The following TRANK1 variants were observed in gnomAD, a reference collection of about 807,000 sequenced individuals.
TRANK1 encodes the protein tetratricopeptide repeat and ankyrin repeat containing 1.
TRANK1 carries 198 observed loss-of-function variants against 266.0 expected under a neutral mutation model. The observed-to-expected ratio is 0.74, with a 90% CI of 0.66 to 0.84. The LOEUF (loss-of-function observed/expected upper bound fraction) is 0.84. TRANK1 is among the 40% of genes least tolerant of loss of function. TRANK1 has a pLI of 0.00. For missense variants in TRANK1, 3,326 were observed against 3,634.6 expected (o/e 0.92, Z 2.18); for synonymous variants, 1,396 against 1,384.1 (o/e 1.01, Z -0.19).
At position 36,835,243 on chromosome 3, in the gene TRANK1, C is replaced by T. The variant is rs76303959; in HGVS notation, c.5518-336G>A. Among the ~76,000 whole-genome samples the T allele has an allele frequency of 3.2e-3, 443 of 138,772 alleles. 2 individuals carry two copies. The highest frequency in any genetic ancestry group is 0.01 in the African/African-American group (382 of 36,732). The allele number at this position is 138,772 out of a possible 152,430, so 91.0% of individuals were successfully genotyped here. On this transcript the variant is annotated intron_variant, in intron 20 of 23. Coordinates refer to ENST00000645898, the MANE Select transcript of TRANK1 (RefSeq NM_001329998.2). ...CTGAGGCAGGAGAATGGCGTGAACC[C>T]GGGAGGCGGAGCTTGCAGTGAGCCG...
intron 2 of TRANK1, among the ~76,000 whole-genome samples, chr3:36,905,682 A>G (rs1188219727): frequency 1.3e-5 from 2 of 152,202 alleles, no homozygotes; most frequent in Non-Finnish European, 2.9e-5. Flanking sequence ...ACTGACTGAT[A>G]TGAGAATCAA....
intron 1 of TRANK1, among the ~76,000 whole-genome samples, chr3:36,913,689 G>GGAAT (rs1259394134): frequency 2.6e-5 from 4 of 152,102 alleles, no homozygotes; most frequent in African/African-American, 9.7e-5. Context: ...AAGAAGAACA[G>GGAAT]GAATTTTCTT....
intron 2 of TRANK1, among the ~76,000 whole-genome samples, chr3:36,903,477 C>G (rs2125624767): frequency 6.6e-6 from 1 of 152,358 alleles, no homozygotes; most frequent in East Asian, 1.9e-4. Flanking sequence ...TCCTCACTCC[C>G]AAATACTCTG....
intron 8 of TRANK1, among the ~76,000 whole-genome samples, chr3:36,888,549 T>C (rs1447324076): frequency 6.6e-6 from 1 of 152,144 alleles, no homozygotes; most frequent in African/African-American, 2.4e-5. Context: ...TAGATATAGG[T>C]TCCTAGGTCC....
intron 1 of TRANK1, among the ~76,000 whole-genome samples, chr3:36,940,203 G>A (rs1391989436): frequency 2.0e-5 from 3 of 151,390 alleles, no homozygotes; most frequent in Non-Finnish European, 2.9e-5. Flanking sequence ...TTCTTAGTAA[G>A]AAGCTGCTCC....
At position 36,855,817 on chromosome 3, in the gene TRANK1, C is replaced by A. The variant is rs757057149; in HGVS notation, c.3905G>T (p.Ser1302Ile). ...EEEAEVDGDYSEEDKAVEMRT... is the reference protein window; with the variant it reads ...EEEAEVDGDYIEEDKAVEMRT... ...CATTTCTACAGCTTTATCCTCCTCA[C>A]TGTAGTCCCCATCCACCTCAGCCTC... Residue 1302 changes from serine to isoleucine, a missense_variant, in exon 13 of 24, where the codon AGT (serine) becomes ATT (isoleucine). Transcript: ENST00000645898. 9.3e-6 allele frequency: 15 copies of A among 1,613,788 alleles called. No individual in the cohort carries two copies. In the Admixed American group the frequency reaches 2.5e-4, roughly 27 times the overall value.
chr3:36,944,737 C>A, intron 1 of TRANK1, 50 bp downstream of exon 1: 2 of 1,498,206 alleles, frequency 1.3e-6, no homozygotes, highest in African/African-American at 1.5e-5. Context: ...GGAAGGGTGG[C>A]GGGCCCGGAA....
rs1159139162 is a variant in TRANK1, at chr3:36,879,795, TAAATATAC to T, written c.908-5507_908-5500del. Among the ~76,000 whole-genome samples the T allele has an allele frequency of 4.4e-4, 20 of 45,740 alleles. 2 individuals are homozygous for T. Among genetic ancestry groups the T allele is most frequent in the South Asian group, 2.1e-3 (4 of 1,906 alleles). 30.0% of individuals were successfully genotyped at this position (45,740 alleles called of 152,430 possible). A position where few individuals can be genotyped will look rare whatever the true frequency, so the allele number is the denominator to read the frequency against. ...AAATATATATAAATATGTAAATATA[TAAATATAC>T]AAATATATGTAAATATACAAATATA... is the stretch of plus-strand genomic sequence containing the variant. On this transcript the variant is annotated intron_variant, in intron 8 of 23. Coordinates refer to ENST00000645898, the MANE Select transcript of TRANK1 (RefSeq NM_001329998.2).
At chr3:36,858,186 A>G in intron 12 of TRANK1, 137 bp from the exon 13 acceptor site, 1 of 710,020 alleles carries the variant, frequency 1.4e-6, no homozygotes. Context: ...AATCCATTAA[A>G]GAGCTCAGTG....
At chr3:36,944,404 A>G (rs956518017) in intron 1 of TRANK1, among the ~76,000 whole-genome samples, 14 of 152,258 alleles carry the variant, frequency 9.2e-5, no homozygotes, top group Non-Finnish European at 1.3e-4. Flanking sequence ...CCCGCCAAGA[A>G]TGCTTGCCCC....
intron 5 of TRANK1, among the ~76,000 whole-genome samples, chr3:36,893,233 G>A (rs1292291428): frequency 6.6e-6 from 1 of 151,852 alleles, no homozygotes; most frequent in African/African-American, 2.4e-5. Flanking sequence ...GCTGAGGACA[G>A]GAGCAGATGA....
chr3:36,926,354 A>T (rs745952085), intron 1 of TRANK1, among the ~76,000 whole-genome samples: 9 of 152,244 alleles, frequency 5.9e-5, no homozygotes, highest in Non-Finnish European at 5.9e-5. Context: ...GCAAACAAGC[A>T]CTTGAGGATG....
chr3:36,864,293 T>C (rs2079183174), intron 10 of TRANK1, 26 bp downstream of exon 10: 1 of 1,486,720 alleles, frequency 6.7e-7, no homozygotes, highest in Non-Finnish European at 8.9e-7. Flanking sequence ...ATTTTTAACA[T>C]CATTGAACGT....
chr3:36,903,271 G>T lies in TRANK1; in HGVS notation c.160C>A (p.Pro54Thr). The change falls in exon 3 of 24, where the codon CCC becomes ACC. Residue 54 changes from proline to threonine, a missense_variant. Transcript: ENST00000645898. ...AGCAGCACAGCCAAGTCCCTCGGGG[G>T]AACCCTGTAAGAACAAACCGGTGGT... Reference protein sequence around the residue: ...ILLQLYQWGVPPRDLAVLLCN... With the variant: ...ILLQLYQWGVTPRDLAVLLCN... The T allele has an allele frequency of 6.5e-7, 1 of 1,537,078 alleles. No homozygotes were observed. Among genetic ancestry groups the T allele is most frequent in the Non-Finnish European group, 8.7e-7 (1 of 1,146,748 alleles).
At chr3:36,944,564 T>A (rs1007577818) in intron 1 of TRANK1, among the ~76,000 whole-genome samples, 4 of 151,948 alleles carry the variant, frequency 2.6e-5, no homozygotes, top group Admixed American at 2.0e-4. Context: ...CGTGCCCTGG[T>A]CCCTCCGGAC....
At position 36,851,676 on chromosome 3, in the gene TRANK1, T is replaced by C. The variant is rs766445516; in HGVS notation, c.4887+43A>G. On this transcript the variant is annotated intron_variant, in intron 15 of 23. Coordinates refer to ENST00000645898, the MANE Select transcript of TRANK1 (RefSeq NM_001329998.2). ...CTTCCCCAGAGGGAAGTTCAGCTCA[T>C]ACATAAATATTCATTGTGTGAAAAG... 1.6e-5 allele frequency: 25 copies of C among 1,581,390 alleles called. No individual in the cohort carries two copies. The East Asian group carries it at 5.4e-4, about 34-fold the overall frequency.
chr3:36,897,499 T>C (rs1179104346), intron 4 of TRANK1, among the ~76,000 whole-genome samples: 1 of 152,202 alleles, frequency 6.6e-6, no homozygotes, highest in Non-Finnish European at 1.5e-5. Flanking sequence ...GCTACTACTC[T>C]AGTCCCCTCT....
chr3:36,942,657 A>G (rs1407572291), intron 1 of TRANK1, among the ~76,000 whole-genome samples: 1 of 151,802 alleles, frequency 6.6e-6, no homozygotes, highest in Non-Finnish European at 1.5e-5. Flanking sequence ...ACTGGCTTGA[A>G]CCACACAGCC....
At chr3:36,881,070 C>T (rs2079525039) in intron 8 of TRANK1, among the ~76,000 whole-genome samples, 1 of 151,794 alleles carries the variant, frequency 6.6e-6, no homozygotes, top group South Asian at 2.1e-4. Context: ...TTTTTTTTAT[C>T]AAAAACATGA....
Sources: gnomAD v4.1 joint callset for allele counts (sites outside exome capture counted in the v4.1 genomes callset) on GRCh38, gnomAD v4.1.1 for gene constraint, MANE v1.5 for transcripts, NCBI Gene and HGNC (gene_info 2026-07-23, HGNC 2026-07-21) for gene names.